FUBP3: variants seen among roughly 807,000 people sequenced by gnomAD.
FUBP3 encodes far upstream element-binding protein 3.
In FUBP3, 28 loss-of-function variants were observed where a neutral mutation model predicts 85.6. That is an observed-to-expected ratio of 0.33 (90% CI 0.24 to 0.45). The LOEUF (loss-of-function observed/expected upper bound fraction) is 0.45, where lower values mean the gene tolerates loss of function less well. Ranked by LOEUF, FUBP3 falls within the 20% of genes least tolerant of loss-of-function variation. The pLI, the probability that FUBP3 is intolerant of heterozygous loss-of-function variation, is 1.00. For synonymous variants in FUBP3, 271 were observed against 271.4 expected, an observed-to-expected ratio of 1.00 and a Z score of 0.01; for missense variants, 583 against 755.1, an observed-to-expected ratio of 0.77 and a Z score of 2.67.
chr9:130,632,627 C>T (rs544787191), intron 16 of FUBP3, among the ~76,000 whole-genome samples: 5 of 152,342 alleles, frequency 3.3e-5, no homozygotes, highest in African/African-American at 9.6e-5. Flanking sequence ...TCCTCTTCTC[C>T]ACCCCTTGAG....
At chr9:130,634,581 T>TGCAGG in intron 16 of FUBP3, 86 bp from the exon 17 acceptor site, 1 of 1,060,626 alleles carries the variant, frequency 9.4e-7, no homozygotes, top group Non-Finnish European at 1.4e-6. Flanking sequence ...GGTGGAGGAG[T>TGCAGG]GCAGGGCAGG....
At chr9:130,589,562 T>A (rs1032818641) in intron 1 of FUBP3, among the ~76,000 whole-genome samples, 1 of 150,826 alleles carries the variant, frequency 6.6e-6, no homozygotes, top group Non-Finnish European at 1.5e-5. Flanking sequence ...CAGGCTGGTC[T>A]TGAACTCCTG....
intron 1 of FUBP3, chr9:130,581,160 G>A (rs770663043): frequency 4.6e-5 from 7 of 152,244 alleles, no homozygotes; most frequent in Non-Finnish European, 1.0e-4. Context: ...AAAGGGCTCA[G>A]ATCCTCAGTT....
chr9:130,631,302 C>T, intron 13 of FUBP3: 3 of 1,382,794 alleles, frequency 2.2e-6, no homozygotes, highest in Non-Finnish European at 2.8e-6. Flanking sequence ...AGGTTGGTCC[C>T]TACCCCCAGG....
At chr9:130,597,649 A>G (rs1163264150) in intron 2 of FUBP3, among the ~76,000 whole-genome samples, 1 of 152,176 alleles carries the variant, frequency 6.6e-6, no homozygotes, top group East Asian at 1.9e-4. Flanking sequence ...ACCAGAAGAC[A>G]ACTGACAAAA....
intron 1 of FUBP3, among the ~76,000 whole-genome samples, chr9:130,587,055 G>GTT (rs369585277): frequency 2.5e-5 from 3 of 119,368 alleles, no homozygotes; most frequent in Non-Finnish European, 3.3e-5. Flanking sequence ...GGCGTTTTTT[G>GTT]TTTTTTTTTT....
chr9:130,587,650 G>C (rs552642883), intron 1 of FUBP3, among the ~76,000 whole-genome samples: 1 of 152,260 alleles, frequency 6.6e-6, no homozygotes, highest in East Asian at 1.9e-4. Context: ...ACCTTTTTGA[G>C]ACTCTTGAAA....
intron 1 of FUBP3, among the ~76,000 whole-genome samples, chr9:130,591,594 A>G (rs1830627600): frequency 6.6e-6 from 1 of 152,184 alleles, no homozygotes; most frequent in Non-Finnish European, 1.5e-5. Context: ...TATAAATGTA[A>G]TTTATACATT....
At chr9:130,629,827 C>T (rs534755737) in intron 12 of FUBP3, among the ~76,000 whole-genome samples, 26 of 152,200 alleles carry the variant, frequency 1.7e-4, no homozygotes, top group Non-Finnish European at 3.5e-4. Context: ...CTGGCTCCTC[C>T]TAGCAACACT....
intron 1 of FUBP3, among the ~76,000 whole-genome samples, chr9:130,583,845 C>G (rs940059337): frequency 1.3e-5 from 2 of 152,052 alleles, no homozygotes; most frequent in African/African-American, 4.8e-5. Flanking sequence ...CTGTATGTCT[C>G]TAAGGCTTTT....
chr9:130,603,685 T>A (rs1564201051), intron 2 of FUBP3, among the ~76,000 whole-genome samples: 2 of 152,146 alleles, frequency 1.3e-5, no homozygotes, highest in Non-Finnish European at 2.9e-5. Context: ...ACCTGCAGCA[T>A]CAATGTTGTG....
chr9:130,584,672 C>G (rs907288159), intron 1 of FUBP3, among the ~76,000 whole-genome samples: 4 of 150,250 alleles, frequency 2.7e-5, no homozygotes, highest in Non-Finnish European at 5.9e-5. Flanking sequence ...AGTTTGAGAC[C>G]AGCCTGGCCA....
At chr9:130,626,726 G>T (rs1202087342) in intron 12 of FUBP3, among the ~76,000 whole-genome samples, 13 of 152,192 alleles carry the variant, frequency 8.5e-5, no homozygotes, top group Non-Finnish European at 1.8e-4. Context: ...TATTTCTGGT[G>T]AGTATGAAGA....
At chr9:130,631,428 G>A in intron 13 of FUBP3, 129 bp from the exon 14 acceptor site, 2 of 1,240,988 alleles carry the variant, frequency 1.6e-6, no homozygotes, top group African/African-American at 1.5e-5. Context: ...GCTAGTGTGA[G>A]TGCGTAGGTG....
At chr9:130,582,461 AAAG>A (rs1260253661) in intron 1 of FUBP3, among the ~76,000 whole-genome samples, 4 of 109,826 alleles carry the variant, frequency 3.6e-5, no homozygotes, top group African/African-American at 1.1e-4. Context: ...AAAAAAAAAA[AAAG>A]AAAAAGAAAA....
intron 1 of FUBP3, among the ~76,000 whole-genome samples, chr9:130,591,343 T>C (rs1214789734): frequency 6.6e-6 from 1 of 152,126 alleles, no homozygotes; most frequent in Non-Finnish European, 1.5e-5. Context: ...CTCGGGAGGC[T>C]GAGGCAGGAG....
chr9:130,620,537 C>A lies in FUBP3; in HGVS notation c.771+79C>A, dbSNP rs778436031. 2.5e-5 allele frequency: 17 copies of A among 667,864 alleles called. No homozygotes were observed. In the African/African-American group the frequency reaches 2.8e-4, roughly 11 times the overall value. The allele number at this position is 667,864 out of a possible 1,614,324, so 41.4% of individuals were successfully genotyped here. A position where few individuals can be genotyped will look rare whatever the true frequency, so the allele number is the denominator to read the frequency against. ...GTCACACTTTTGTTAGCTCTTTAACCCTGAGCAAGTTAGTTAAGTTTTGTC... is the reference window on the plus strand; with the variant it reads ...GTCACACTTTTGTTAGCTCTTTAACACTGAGCAAGTTAGTTAAGTTTTGTC... On this transcript the variant is annotated intron_variant, in intron 9 of 18. Transcript: ENST00000319725.
intron 2 of FUBP3, among the ~76,000 whole-genome samples, chr9:130,606,283 A>C (rs1186058334): frequency 6.6e-6 from 1 of 152,150 alleles, no homozygotes; most frequent in Non-Finnish European, 1.5e-5. Flanking sequence ...GGAGACTGCA[A>C]ATCCAAAGAA....
chr9:130,630,678 C>T lies in FUBP3; in HGVS notation c.1168C>T (p.Leu390Phe). The T allele has an allele frequency of 6.2e-7, 1 of 1,601,582 alleles. No individual in the cohort carries two copies. Among genetic ancestry groups the T allele is most frequent in the Non-Finnish European group, 8.5e-7 (1 of 1,174,246 alleles). ...INQQSGAHVE[L>F]QRNPPPNSDP... ...CCAGCAGTCAGGGGCGCACGTGGAG[C>T]TTCAGAGGAACCCCCCTCCCAACAG... is the stretch of plus-strand genomic sequence containing the variant. Residue 390 changes from leucine (L) to phenylalanine (F), a missense_variant, in exon 13 of 19, where the codon CTT (leucine) becomes TTT (phenylalanine). By Grantham distance (22) the Leu-to-Phe change is conservative (BLOSUM62 0). This residue lies in a region of FUBP3 where 404 missense variants were observed against 516.8 expected (regional missense o/e 0.78). Transcript: ENST00000319725.
Sources: allele counts gnomAD v4.1 joint callset (sites outside exome capture counted in the v4.1 genomes callset), GRCh38; gene constraint gnomAD v4.1.1; regional missense constraint gnomAD v4.1.1; transcripts MANE v1.5; gene names NCBI Gene and HGNC (gene_info 2026-07-23, HGNC 2026-07-21).